DLGAP2: variants seen among roughly 807,000 people sequenced by gnomAD.
DLGAP2 encodes DLG associated protein 2.
Under a neutral mutation model 100.3 loss-of-function variants are expected in DLGAP2, and 26 were observed. The observed-to-expected ratio is 0.26, with a 90% CI of 0.19 to 0.36. The LOEUF (loss-of-function observed/expected upper bound fraction) is 0.36, where lower values mean the gene tolerates loss of function less well. Among genes scored for constraint, DLGAP2 ranks in the 10% least tolerant of loss-of-function variants. DLGAP2 has a pLI of 1.00. For missense variants in DLGAP2, 1,858 were observed against 1,453.2 expected (o/e 1.28, Z -4.53); for synonymous variants, 886 against 630.1 (o/e 1.41, Z -6.08).
chr8:922,181 G>A (rs1300830917), intron 2 of DLGAP2, among the ~76,000 whole-genome samples: 2 of 152,236 alleles, frequency 1.3e-5, no homozygotes, highest in African/African-American at 2.4e-5. Context: ...GGTGGAGGCT[G>A]TGTAAGGGTG....
intron 3 of DLGAP2, among the ~76,000 whole-genome samples, chr8:1,355,027 C>A (rs1463037967): frequency 2.0e-5 from 3 of 150,480 alleles, no homozygotes; most frequent in Non-Finnish European, 3.0e-5. Flanking sequence ...ACGGATGATG[C>A]TGTGGATGAG....
intron 6 of DLGAP2, among the ~76,000 whole-genome samples, chr8:1,578,643 CTG>C (rs1382784900): frequency 6.6e-6 from 1 of 152,228 alleles, no homozygotes; most frequent in African/African-American, 2.4e-5. Context: ...TGCTGTAAAA[CTG>C]AGAAAAAATC....
chr8:1,463,879 G>C (rs1798531411), intron 3 of DLGAP2, among the ~76,000 whole-genome samples: 1 of 152,224 alleles, frequency 6.6e-6, no homozygotes, highest in South Asian at 2.1e-4. Context: ...TTTCCATCTT[G>C]TGACCTGGGC....
At chr8:1,234,852 G>A (rs545407636) in intron 2 of DLGAP2, among the ~76,000 whole-genome samples, 34 of 152,304 alleles carry the variant, frequency 2.2e-4, no homozygotes, top group African/African-American at 7.7e-4. Context: ...TACCCGGACT[G>A]TTCAACACTT....
intron 4 of DLGAP2, among the ~76,000 whole-genome samples, chr8:1,529,590 C>T (rs999093528): frequency 1.3e-5 from 2 of 152,108 alleles, no homozygotes; most frequent in Non-Finnish European, 2.9e-5. Flanking sequence ...CTGTCAAACC[C>T]AAGGCAGGGA....
At chr8:831,905 T>G (rs1796791555) in intron 1 of DLGAP2, among the ~76,000 whole-genome samples, 1 of 152,084 alleles carries the variant, frequency 6.6e-6, no homozygotes, top group African/African-American at 2.4e-5. Flanking sequence ...ATAATCACCA[T>G]GCTGACTGGC....
chr8:1,367,638 G>A (rs1038220681), intron 3 of DLGAP2, among the ~76,000 whole-genome samples: 1 of 152,208 alleles, frequency 6.6e-6, no homozygotes, highest in Admixed American at 6.5e-5. Flanking sequence ...AAAGCATTTT[G>A]GAAGGTAATT....
chr8:1,680,000 AAAAG>A (rs1798906973), intron 12 of DLGAP2, among the ~76,000 whole-genome samples: 1 of 151,556 alleles, frequency 6.6e-6, no homozygotes, highest in Non-Finnish European at 1.5e-5. Context: ...AAAAAAAAAA[AAAAG>A]AGCTCAGAAG....
chr8:1,306,851 T>C (rs1178920771), intron 3 of DLGAP2, among the ~76,000 whole-genome samples: 1 of 152,196 alleles, frequency 6.6e-6, no homozygotes, highest in East Asian at 1.9e-4. Context: ...AACATATAAA[T>C]AATGAAGCTG....
At chr8:1,516,396 T>A (rs1303596123) in intron 4 of DLGAP2, among the ~76,000 whole-genome samples, 1 of 150,518 alleles carries the variant, frequency 6.6e-6, no homozygotes, top group Non-Finnish European at 1.5e-5. Context: ...AGTGAATGAG[T>A]GGGTGACTGA....
intron 1 of DLGAP2, among the ~76,000 whole-genome samples, chr8:801,525 G>T (rs1367952660): frequency 6.6e-6 from 1 of 152,218 alleles, no homozygotes; most frequent in Admixed American, 6.5e-5. Flanking sequence ...TGAGATCACG[G>T]AATGCTGAAA....
intron 6 of DLGAP2, among the ~76,000 whole-genome samples, chr8:1,626,003 T>C (rs776907235): frequency 0.076 from 8,662 of 113,428 alleles, 321 homozygotes; most frequent in Middle Eastern, 0.16. Context: ...GTTGGACGGC[T>C]GTTCCCATCT....
intron 3 of DLGAP2, among the ~76,000 whole-genome samples, chr8:1,384,654 A>T (rs376111324): frequency 1.5e-4 from 5 of 32,868 alleles, no homozygotes; most frequent in African/African-American, 2.6e-4. Context: ...TGAGAACTTG[A>T]TGCACAGTTA....
chr8:1,419,018 G>A (rs958436114), intron 3 of DLGAP2, among the ~76,000 whole-genome samples: 2 of 152,258 alleles, frequency 1.3e-5, no homozygotes, highest in African/African-American at 2.4e-5. Flanking sequence ...CACATGGGGC[G>A]AGGCAGAGGC....
chr8:1,141,390 C>A (rs182222128), intron 2 of DLGAP2, among the ~76,000 whole-genome samples: 1 of 152,144 alleles, frequency 6.6e-6, no homozygotes, highest in African/African-American at 2.4e-5. Flanking sequence ...TAAAGCATTT[C>A]AAGCATTATT....
chr8:1,477,405 C>T (rs547246974), intron 3 of DLGAP2, among the ~76,000 whole-genome samples: 1 of 152,322 alleles, frequency 6.6e-6, no homozygotes, highest in South Asian at 2.1e-4. Context: ...CAGCCTCTCT[C>T]CCCACCCCTG....
At chr8:1,038,793 A>G (rs1006532110) in intron 2 of DLGAP2, among the ~76,000 whole-genome samples, 1 of 152,350 alleles carries the variant, frequency 6.6e-6, no homozygotes, top group Admixed American at 6.5e-5. Flanking sequence ...ATGTATAACT[A>G]CGACCCCACA....
intron 3 of DLGAP2, among the ~76,000 whole-genome samples, chr8:1,346,630 C>T (rs970387635): frequency 6.6e-6 from 1 of 151,302 alleles, no homozygotes; most frequent in Non-Finnish European, 1.5e-5. Flanking sequence ...AGTTCTGAAA[C>T]AGAGCTGCAT....
At chr8:1,277,730 G>C (rs1799732648) in intron 3 of DLGAP2, among the ~76,000 whole-genome samples, 1 of 152,166 alleles carries the variant, frequency 6.6e-6, no homozygotes, top group African/African-American at 2.4e-5. Flanking sequence ...GCAGGAATCA[G>C]CATACCCACG....
Sources: allele counts gnomAD v4.1 joint callset (sites outside exome capture counted in the v4.1 genomes callset), GRCh38; gene constraint gnomAD v4.1.1; transcripts MANE v1.5; gene names NCBI Gene and HGNC (gene_info 2026-07-23, HGNC 2026-07-21).